The following AKAP13 variants were observed in gnomAD, a reference collection of about 807,000 sequenced individuals.
AKAP13 encodes the protein A-kinase anchoring protein 13.
In AKAP13, 80 loss-of-function variants were observed where a neutral mutation model predicts 264.5. The observed-to-expected ratio is 0.30, with a 90% CI of 0.25 to 0.36. The LOEUF (loss-of-function observed/expected upper bound fraction) is 0.36. Ranked by LOEUF, AKAP13 falls within the 10% of genes least tolerant of loss-of-function variation. The probability of loss-of-function intolerance (pLI) is 1.00; values close to 1 mark genes in which losing one functional copy is unlikely to be tolerated. For missense variants in AKAP13, 3,712 were observed against 3,435.2 expected, an observed-to-expected ratio of 1.08 and a Z score of -2.01; for synonymous variants, 1,380 against 1,250.2, an observed-to-expected ratio of 1.10 and a Z score of -2.19.
rs1283759351 is a variant in AKAP13, at chr15:85,708,952, C to CT, written c.5532+867dup. Among the ~76,000 whole-genome samples the CT allele has an allele frequency of 6.6e-6, 1 of 152,160 alleles. No individual in the cohort carries two copies. The highest frequency in any genetic ancestry group is 1.5e-5 in the Non-Finnish European group (1 of 68,014). On this transcript the variant is annotated intron_variant, in intron 18 of 36. Transcript: ENST00000394518. This position sits in a 1 kb window ranked among gnomAD's most constrained non-coding sequence, Gnocchi z 4.3. The stretch of plus-strand genomic sequence containing the variant: ...GGGGAGAGTCCAGGAATTTGCATTT[C>CT]TAGTAAGTTCCCAGATGATGCTGAT...
At chr15:85,504,403 G>A (rs114208571) in intron 2 of AKAP13, among the ~76,000 whole-genome samples, 2,296 of 149,040 alleles carry the variant, frequency 0.015, 68 homozygotes, top group African/African-American at 0.054. Context: ...GCAGTGGCTC[G>A]TGCTGGTAAT....
At chr15:85,704,322 A>T (rs1440890450) in intron 17 of AKAP13, among the ~76,000 whole-genome samples, 2 of 152,050 alleles carry the variant, frequency 1.3e-5, no homozygotes, top group African/African-American at 4.8e-5. Context: ...TGGCATGGCC[A>T]CTCCTCTTAT....
At chr15:85,412,447 C>G (rs181494206) in intron 1 of AKAP13, among the ~76,000 whole-genome samples, 7 of 152,168 alleles carry the variant, frequency 4.6e-5, no homozygotes, top group Non-Finnish European at 1.0e-4. Context: ...AGAGATTTGC[C>G]AAAATGTAAA....
At chr15:85,620,226 T>C in intron 8 of AKAP13, 2 of 1,508,844 alleles carry the variant, frequency 1.3e-6, no homozygotes, top group South Asian at 2.4e-5. Context: ...GTTTTAGCGC[T>C]TTGAACCCGG....
chr15:85,605,202 G>A (rs192107247), intron 8 of AKAP13, among the ~76,000 whole-genome samples: 2 of 152,236 alleles, frequency 1.3e-5, no homozygotes, highest in African/African-American at 2.4e-5. Context: ...ATGAAACTTC[G>A]TCTCGAATAA....
At chr15:85,400,862 A>G (rs2071387144) in intron 1 of AKAP13, among the ~76,000 whole-genome samples, 1 of 62,890 alleles carries the variant, frequency 1.6e-5, no homozygotes, top group Non-Finnish European at 3.6e-5. Context: ...ATATATGTAT[A>G]TATATATATA....
rs117666680 is a variant in AKAP13 at position 85,464,788 on chromosome 15, G to T, written c.-11-20922G>T. ...ATCTCTCTAACAATAAGGTTATGTC[G>T]GTTTAGAATTTTCAATTGCTTACCC... On this transcript the variant is annotated intron_variant, in intron 1 of 36. Coordinates refer to ENST00000394518, the MANE Select transcript of AKAP13 (RefSeq NM_007200.5). 2.5e-3 allele frequency among the ~76,000 whole-genome samples: 379 copies of T among 152,036 alleles called. 1 individual carries two copies. Among genetic ancestry groups the T allele is most frequent in the Admixed American group, 6.5e-3 (100 of 15,280 alleles).
At chr15:85,463,355 T>G (rs1349625592) in intron 1 of AKAP13, among the ~76,000 whole-genome samples, 1 of 152,212 alleles carries the variant, frequency 6.6e-6, no homozygotes, top group African/African-American at 2.4e-5. Flanking sequence ...AAAGGATGCT[T>G]CTTTCACATT....
intron 8 of AKAP13, among the ~76,000 whole-genome samples, chr15:85,630,954 A>G (rs1271179019): frequency 9.2e-5 from 14 of 152,202 alleles, no homozygotes; most frequent in Admixed American, 6.5e-4. Flanking sequence ...ATGTCCACAC[A>G]AAAACTCTGA....
chr15:85,547,424 T>TA (rs1485429249), intron 5 of AKAP13, among the ~76,000 whole-genome samples: 48 of 152,376 alleles, frequency 3.2e-4, no homozygotes, highest in African/African-American at 1.2e-3. Context: ...AAGCAAGTCT[T>TA]ACTTCTGCGA....
intron 17 of AKAP13, among the ~76,000 whole-genome samples, chr15:85,703,092 T>A (rs1473201889): frequency 2.0e-5 from 3 of 152,218 alleles, no homozygotes; most frequent in Non-Finnish European, 4.4e-5. Flanking sequence ...AATAAACAAG[T>A]AAACCAGCTG....
intron 14 of AKAP13, among the ~76,000 whole-genome samples, chr15:85,671,513 T>C (rs2083930786): frequency 6.6e-6 from 1 of 151,360 alleles, no homozygotes. Flanking sequence ...CTTGTTTTCA[T>C]GTGATTAATA....
intron 12 of AKAP13, chr15:85,662,414 A>G: frequency 6.2e-7 from 1 of 1,614,128 alleles, no homozygotes. Flanking sequence ...TCTGGTGTGC[A>G]GTACTCTGCT....
chr15:85,399,529 AAT>A (rs1567038697), intron 1 of AKAP13, among the ~76,000 whole-genome samples: 50 of 123,190 alleles, frequency 4.1e-4, no homozygotes, highest in Middle Eastern at 3.7e-3. Flanking sequence ...AAAATAAAAA[AAT>A]AAAAAAATAA....
At chr15:85,630,167 AC>A (rs1346030651) in intron 8 of AKAP13, among the ~76,000 whole-genome samples, 2 of 19,972 alleles carry the variant, frequency 1.0e-4, no homozygotes, top group Non-Finnish European at 1.9e-4. Flanking sequence ...TTTAACACAT[AC>A]ACACACACAC....
At chr15:85,736,011 GC>G (rs2088456271) in intron 32 of AKAP13, 78 bp from the exon 33 acceptor site, 1 of 1,162,238 alleles carries the variant, frequency 8.6e-7, no homozygotes. Flanking sequence ...GAAAGCTACA[GC>G]CTAACACAGA....
At chr15:85,583,864 T>G (rs1181326314) in intron 7 of AKAP13, among the ~76,000 whole-genome samples, 1 of 152,232 alleles carries the variant, frequency 6.6e-6, no homozygotes, top group African/African-American at 2.4e-5. Context: ...GTATGGACTT[T>G]CAGCAGTATA....
chr15:85,596,463 T>G (rs1409296902), intron 8 of AKAP13, among the ~76,000 whole-genome samples: 1 of 151,974 alleles, frequency 6.6e-6, no homozygotes, highest in Non-Finnish European at 1.5e-5. Flanking sequence ...CCAGGCGTGG[T>G]GGCATGCTCC....
intron 1 of AKAP13, among the ~76,000 whole-genome samples, chr15:85,465,523 A>C (rs1350781573): frequency 9.7e-6 from 1 of 102,704 alleles, no homozygotes; most frequent in Non-Finnish European, 1.8e-5. Flanking sequence ...CACAACAGTC[A>C]CCAGAGTGTG....
Sources: allele counts gnomAD v4.1 joint callset (sites outside exome capture counted in the v4.1 genomes callset), GRCh38; gene constraint gnomAD v4.1.1; non-coding constraint Gnocchi (gnomAD v3.1); transcripts MANE v1.5; gene names NCBI Gene and HGNC (gene_info 2026-07-23, HGNC 2026-07-21).